SHROOM3: variants seen among roughly 807,000 people sequenced by gnomAD.
SHROOM3 encodes shroom family member 3.
SHROOM3 carries 47 observed loss-of-function variants against 138.6 expected under a neutral mutation model. The ratio of observed to expected loss-of-function variants is 0.34; its 90% CI spans 0.27 to 0.43. The LOEUF (loss-of-function observed/expected upper bound fraction) is 0.43. Ranked by LOEUF, SHROOM3 falls within the 20% of genes least tolerant of loss-of-function variation. SHROOM3 has a pLI of 1.00. For synonymous variants in SHROOM3, 1,062 were observed against 1,063.3 expected (o/e 1.00, Z 0.02); for missense variants, 2,491 against 2,596.5 (o/e 0.96, Z 0.88).
intron 2 of SHROOM3, among the ~76,000 whole-genome samples, chr4:76,708,832 T>C (rs1436076768): frequency 6.6e-6 from 1 of 152,168 alleles, no homozygotes; most frequent in Non-Finnish European, 1.5e-5. Context: ...AGACTCAGAA[T>C]TTACTTGACC....
At chr4:76,578,387 A>AT (rs1733979829) in intron 2 of SHROOM3, among the ~76,000 whole-genome samples, 1 of 152,246 alleles carries the variant, frequency 6.6e-6, no homozygotes. Context: ...TACTTGGCAT[A>AT]TGGTAACCGC....
chr4:76,472,708 T>C (rs1206816142), intron 1 of SHROOM3, among the ~76,000 whole-genome samples: 1 of 152,076 alleles, frequency 6.6e-6, no homozygotes, highest in Admixed American at 6.5e-5. Flanking sequence ...TCTTTTTTTT[T>C]TTTGTGATAA....
chr4:76,741,583 C>G lies in SHROOM3; in HGVS notation c.3410C>G (p.Ser1137Cys). 1 of 1,541,770 alleles carries G rather than the reference C, an allele frequency of 6.5e-7. No individual in the cohort carries two copies. The highest frequency in any genetic ancestry group is 2.4e-5 in the East Asian group (1 of 41,266). Residue 1137 changes from serine to cysteine, a missense_variant, in exon 5 of 11, where the codon TCC becomes TGC. Coordinates refer to ENST00000296043, the MANE Select transcript of SHROOM3 (RefSeq NM_020859.4). This position sits in a 1 kb window ranked among gnomAD's most constrained non-coding sequence, Gnocchi z 6.2. ...GAAGGCTCCGGCCTCGCCTCGGCCTCCAGCTTGAGCTCACTGCGGGAGCCC... is the reference window on the plus strand; with the variant it reads ...GAAGGCTCCGGCCTCGCCTCGGCCTGCAGCTTGAGCTCACTGCGGGAGCCC... The part of the protein sequence containing the change: ...ALEGSGLASA[S>C]SLSSLREPSL...
intron 1 of SHROOM3, among the ~76,000 whole-genome samples, chr4:76,447,909 C>A (rs1730846742): frequency 6.6e-6 from 1 of 152,020 alleles, no homozygotes; most frequent in African/African-American, 2.4e-5. Context: ...TTGGTGTAGA[C>A]CCCCTCCACT....
chr4:76,685,862 C>T (rs1183277757), intron 2 of SHROOM3, among the ~76,000 whole-genome samples: 1 of 152,100 alleles, frequency 6.6e-6, no homozygotes, highest in African/African-American at 2.4e-5. Flanking sequence ...CCTGTAATCC[C>T]AGCTACTCGG....
intron 2 of SHROOM3, among the ~76,000 whole-genome samples, chr4:76,675,658 G>A (rs1308675930): frequency 6.6e-6 from 1 of 152,138 alleles, no homozygotes; most frequent in Non-Finnish European, 1.5e-5. Context: ...AGGAATTCAA[G>A]ACCAGCCTAG....
chr4:76,552,245 G>A (rs1429703846), intron 1 of SHROOM3, among the ~76,000 whole-genome samples: 2 of 150,506 alleles, frequency 1.3e-5, no homozygotes, highest in African/African-American at 2.4e-5. Flanking sequence ...AGTGGCTCAT[G>A]CCTGTAATCT....
chr4:76,714,437 C>T (rs1171370806), intron 3 of SHROOM3, among the ~76,000 whole-genome samples: 1 of 152,158 alleles, frequency 6.6e-6, no homozygotes, highest in East Asian at 1.9e-4. Flanking sequence ...TGGCTTTTGA[C>T]AATACCACAG....
intron 1 of SHROOM3, among the ~76,000 whole-genome samples, chr4:76,480,196 T>C (rs1731575495): frequency 6.6e-6 from 1 of 152,104 alleles, no homozygotes; most frequent in Non-Finnish European, 1.5e-5. Flanking sequence ...GACTGGCAAA[T>C]TGGATAAAGA....
At chr4:76,692,122 T>G (rs1290449539) in intron 2 of SHROOM3, among the ~76,000 whole-genome samples, 1 of 152,210 alleles carries the variant, frequency 6.6e-6, no homozygotes, top group Non-Finnish European at 1.5e-5. Flanking sequence ...GGGAAGGTCA[T>G]GTCAGAAAGA....
At chr4:76,622,470 G>A (rs1360933330) in intron 2 of SHROOM3, among the ~76,000 whole-genome samples, 1 of 151,998 alleles carries the variant, frequency 6.6e-6, no homozygotes, top group Non-Finnish European at 1.5e-5. Context: ...TGGTTCTTAT[G>A]TTGTAAATAT....
chr4:76,546,795 T>G (rs570658865), intron 1 of SHROOM3, among the ~76,000 whole-genome samples: 162 of 152,338 alleles, frequency 1.1e-3, no homozygotes, highest in Non-Finnish European at 2.0e-3. Flanking sequence ...GCATTAACTG[T>G]GAGTGACTGA....
chr4:76,720,848 G>A (rs1214610099), intron 3 of SHROOM3, among the ~76,000 whole-genome samples: 1 of 151,432 alleles, frequency 6.6e-6, no homozygotes, highest in Non-Finnish European at 1.5e-5. Flanking sequence ...CTGACCTCGT[G>A]GTCCGCCCAC....
intron 9 of SHROOM3, among the ~76,000 whole-genome samples, chr4:76,764,915 A>G (rs989053090): frequency 6.6e-6 from 1 of 152,164 alleles, no homozygotes. Context: ...TCTGTCTTCA[A>G]ATATTCTTAA....
intron 1 of SHROOM3, among the ~76,000 whole-genome samples, chr4:76,532,734 C>T (rs974997218): frequency 6.6e-6 from 1 of 152,156 alleles, no homozygotes; most frequent in African/African-American, 2.4e-5. Context: ...TAGATTTTAG[C>T]AACCTCAGCG....
intron 2 of SHROOM3, among the ~76,000 whole-genome samples, chr4:76,706,180 G>T (rs1577985612): frequency 6.6e-6 from 1 of 152,010 alleles, no homozygotes. Flanking sequence ...GGAGTGCAGA[G>T]CTCAGCTCAC....
intron 2 of SHROOM3, among the ~76,000 whole-genome samples, chr4:76,702,654 T>C (rs1719936126): frequency 1.3e-5 from 2 of 151,958 alleles, no homozygotes; most frequent in African/African-American, 4.8e-5. Context: ...CTTGTTGGAG[T>C]TGTCTTAAGA....
rs528664545 is a variant in SHROOM3 at position 76,664,673 on chromosome 4, CATCTT to C, written c.324-45481_324-45477del. Among the ~76,000 whole-genome samples, 17 of 152,268 alleles carry C rather than the reference CATCTT, an allele frequency of 1.1e-4. No homozygotes were observed. Among genetic ancestry groups the C allele is most frequent in the African/African-American group, 4.1e-4 (17 of 41,538 alleles). ...ACATACTCACATACATTAAATTTGT[CATCTT>C]AACCAGTTTTAAGTGTATAGGTCAA... On this transcript the variant is annotated intron_variant, in intron 2 of 10. Transcript: ENST00000296043. This position sits in a 1 kb window ranked among gnomAD's most constrained non-coding sequence, Gnocchi z 4.2.
intron 2 of SHROOM3, among the ~76,000 whole-genome samples, chr4:76,597,773 C>T (rs1734420292): frequency 6.6e-6 from 1 of 152,170 alleles, no homozygotes. Context: ...GATTATGTAA[C>T]TTGAGGAAGC....
Sources: gnomAD v4.1 joint callset for allele counts (sites outside exome capture counted in the v4.1 genomes callset) on GRCh38, gnomAD v4.1.1 for gene constraint, Gnocchi (gnomAD v3.1) non-coding constraint, MANE v1.5 for transcripts, NCBI Gene and HGNC (gene_info 2026-07-23, HGNC 2026-07-21) for gene names.